The following CAPN13 variants were observed in gnomAD, a reference collection of about 807,000 sequenced individuals.
CAPN13 encodes the protein calpain 13.
A neutral mutation model predicts 98.4 loss-of-function variants in CAPN13; 90 were observed. That is an observed-to-expected ratio of 0.92 (90% CI 0.77 to 1.09). The LOEUF (loss-of-function observed/expected upper bound fraction) is 1.09, where lower values mean the gene tolerates loss of function less well. Among genes scored for constraint, CAPN13 ranks in the 50% least tolerant of loss-of-function variants. The probability of loss-of-function intolerance (pLI) is 0.00; values close to 1 mark genes in which losing one functional copy is unlikely to be tolerated. For synonymous variants in CAPN13, 330 were observed against 305.5 expected (o/e 1.08, Z -0.84); for missense variants, 887 against 841.3 (o/e 1.05, Z -0.67).
intron 1 of CAPN13, among the ~76,000 whole-genome samples, chr2:30,790,790 C>T (rs940369811): frequency 1.3e-5 from 2 of 152,276 alleles, no homozygotes; most frequent in Admixed American, 1.3e-4. Flanking sequence ...TAATGGAACA[C>T]TAGGCATAAA....
chr2:30,743,644 A>G, intron 12 of CAPN13, 65 bp from the exon 13 acceptor site: 1 of 1,419,776 alleles, frequency 7.0e-7, no homozygotes, highest in Non-Finnish European at 9.9e-7. Flanking sequence ...CCAGTCACCA[A>G]GAAAGACCCA....
intron 1 of CAPN13, 76 bp from the exon 2 acceptor site, chr2:30,787,433 G>A (rs1674351357): frequency 5.3e-6 from 6 of 1,138,756 alleles, no homozygotes; most frequent in Non-Finnish European, 7.4e-6. Context: ...GCCCCAGATG[G>A]GCACTCTGAT....
At chr2:30,791,536 C>G (rs1674607142) in intron 1 of CAPN13, among the ~76,000 whole-genome samples, 1 of 152,208 alleles carries the variant, frequency 6.6e-6, no homozygotes, top group Non-Finnish European at 1.5e-5. Context: ...ACAGTCTTTA[C>G]AGAAATTCAC....
intron 1 of CAPN13, among the ~76,000 whole-genome samples, chr2:30,803,293 T>C (rs1200826601): frequency 6.6e-6 from 1 of 152,186 alleles, no homozygotes; most frequent in Non-Finnish European, 1.5e-5. Context: ...GGCCACTGGG[T>C]GCATCTCCCG....
intron 22 of CAPN13, among the ~76,000 whole-genome samples, chr2:30,728,830 T>G (rs867477933): frequency 7.9e-5 from 12 of 152,130 alleles, no homozygotes; most frequent in Non-Finnish European, 1.0e-4. Context: ...CATGCCAAAG[T>G]CAGGGAGAGA....
intron 4 of CAPN13, among the ~76,000 whole-genome samples, chr2:30,771,607 T>A (rs1350592103): frequency 6.6e-6 from 1 of 151,898 alleles, no homozygotes; most frequent in Non-Finnish European, 1.5e-5. Flanking sequence ...TTTAGGAGGG[T>A]GATTACAAAA....
intron 22 of CAPN13, among the ~76,000 whole-genome samples, chr2:30,723,805 C>T (rs1257197319): frequency 6.6e-6 from 1 of 152,178 alleles, no homozygotes; most frequent in East Asian, 1.9e-4. Context: ...TTCTTCCCTG[C>T]CTCCCTCCAC....
rs1362732844 is a variant in CAPN13, at chr2:30,722,851, C to T, written c.*416G>A. On this transcript the variant is annotated 3_prime_UTR_variant, in exon 23 of 23. Transcript: ENST00000295055. ...GACATAAGATAGTGTAATTATTCTG[C>T]AAACACCCAGTGGACAGCTCTTGTG... is the stretch of plus-strand genomic sequence containing the variant. 6 of 152,226 alleles carry T rather than the reference C, an allele frequency of 3.9e-5. No homozygotes were observed. The highest frequency in any genetic ancestry group is 1.5e-5 in the Non-Finnish European group (1 of 68,050). 9.4% of individuals were successfully genotyped at this position (152,226 alleles called of 1,614,324 possible).
At position 30,722,997 on chromosome 2, in the gene CAPN13, TC is replaced by T. The variant is rs1670744469; in HGVS notation, c.*269del. On this transcript the variant is annotated 3_prime_UTR_variant, in exon 23 of 23. Coordinates refer to ENST00000295055, the MANE Select transcript of CAPN13 (RefSeq NM_144575.3). ...TTCTCCTTTCCCACAGGGAGACATC[TC>T]CTGCTTCCTTTTCCAGGGCAACGTA... 1 of 152,216 alleles carries T rather than the reference TC, an allele frequency of 6.6e-6. No individual in the cohort carries two copies. The highest frequency in any genetic ancestry group is 6.5e-5 in the Admixed American group (1 of 15,290). The allele number at this position is 152,216 out of a possible 1,614,324, so 9.4% of individuals were successfully genotyped here.
chr2:30,745,503 G>A (rs888368884), intron 12 of CAPN13, among the ~76,000 whole-genome samples: 2 of 152,218 alleles, frequency 1.3e-5, no homozygotes, highest in South Asian at 4.1e-4. Context: ...ATGTTAGCAA[G>A]AGAACAGCTC....
rs1010527264 is a variant in CAPN13 at position 30,733,132 on chromosome 2, G to A, written c.1799-566C>T. ...TAGTTATAAGCTCCAGGGAGGCACC[G>A]ACCTCACAGGGGCCAAGTGCACACT... On this transcript the variant is annotated intron_variant, in intron 19 of 22. Transcript: ENST00000295055. 1.1e-4 allele frequency among the ~76,000 whole-genome samples: 17 copies of A among 152,228 alleles called. No individual in the cohort carries two copies. In the East Asian group the frequency reaches 3.3e-3, roughly 30 times the overall value.
intron 4 of CAPN13, among the ~76,000 whole-genome samples, chr2:30,775,610 T>G (rs1389610533): frequency 6.6e-6 from 1 of 152,176 alleles, no homozygotes; most frequent in Non-Finnish European, 1.5e-5. Context: ...ATAAAGCTAC[T>G]GTAATCAAAA....
At chr2:30,742,033 G>T in intron 14 of CAPN13, 69 bp from the exon 15 acceptor site, 1 of 1,407,940 alleles carries the variant, frequency 7.1e-7, no homozygotes, top group Non-Finnish European at 1.0e-6. Flanking sequence ...GTACAGCAAG[G>T]GTGCAACAAC....
intron 1 of CAPN13, among the ~76,000 whole-genome samples, chr2:30,800,130 AAGAAAGAAAG>A (rs1343036857): frequency 7.0e-6 from 1 of 142,912 alleles, no homozygotes; most frequent in Non-Finnish European, 1.5e-5. Context: ...GAAAGAAAGA[AAGAAAGAAAG>A]AAAGAAAGAA....
chr2:30,757,946 A>T (rs1672540623), intron 8 of CAPN13, 100 bp downstream of exon 8: 1 of 842,050 alleles, frequency 1.2e-6, no homozygotes, highest in Non-Finnish European at 1.8e-6. Context: ...GCCTGCAGTG[A>T]GATGCGCAGT....
At chr2:30,803,812 T>C (rs546982326) in intron 1 of CAPN13, among the ~76,000 whole-genome samples, 12 of 152,324 alleles carry the variant, frequency 7.9e-5, no homozygotes, top group Non-Finnish European at 1.2e-4. Flanking sequence ...AGGTGACCTT[T>C]AGCTGCCTTT....
chr2:30,766,613 C>G (rs1299101843), intron 5 of CAPN13, among the ~76,000 whole-genome samples: 1 of 152,176 alleles, frequency 6.6e-6, no homozygotes, highest in African/African-American at 2.4e-5. Context: ...TCACCTGACC[C>G]AGGAATTCTG....
chr2:30,743,518 G>A lies in CAPN13; in HGVS notation c.1310C>T (p.Ser437Leu). The A allele has an allele frequency of 6.2e-7, 1 of 1,613,928 alleles. No homozygotes were observed. Among genetic ancestry groups the A allele is most frequent in the Non-Finnish European group, 8.5e-7 (1 of 1,179,888 alleles). Residue 437 changes from serine (S) to leucine (L), a missense_variant, in exon 13 of 23, where the codon TCA (serine) becomes TTA (leucine). Ser to Leu is a moderately radical substitution (Grantham distance 145). Coordinates refer to ENST00000295055, the MANE Select transcript of CAPN13 (RefSeq NM_144575.3). ...GAAGTTGCGGCGGAATTTATTATTT[G>A]AGCTTTGGACAGTGTTTCTGAACGA... ...FSSFRNTVQSSNNKFRRNFTM... is the reference protein window; with the variant it reads ...FSSFRNTVQSLNNKFRRNFTM...
chr2:30,751,223 G>A lies in CAPN13; in HGVS notation c.1116C>T (p.Asn372=). ...CTTCCATTGGCTCTTGCACAGAGAA[G>A]TTGAATTGAGCATCATTCCGAGGTC... ...AGGPRNDAQF[N]FSVQEPMEGT... is the part of the protein sequence containing the mutation. The change falls in exon 11 of 23, where the codon AAC becomes AAT. Residue 372 remains asparagine (N), a synonymous_variant. Coordinates refer to ENST00000295055, the MANE Select transcript of CAPN13 (RefSeq NM_144575.3). 2.5e-6 allele frequency: 4 copies of A among 1,613,980 alleles called. No individual in the cohort carries two copies. Among genetic ancestry groups the A allele is most frequent in the African/African-American group, 2.7e-5 (2 of 75,050 alleles).
Sources: gnomAD v4.1 joint callset for allele counts (sites outside exome capture counted in the v4.1 genomes callset) on GRCh38, gnomAD v4.1.1 for gene constraint, MANE v1.5 for transcripts, NCBI Gene and HGNC (gene_info 2026-07-23, HGNC 2026-07-21) for gene names.